The following AGBL1 variants were observed in gnomAD, a reference collection of about 807,000 sequenced individuals.
AGBL1 encodes the protein cytosolic carboxypeptidase 4.
In AGBL1, 130 loss-of-function variants were observed where a neutral mutation model predicts 118.9. That is an observed-to-expected ratio of 1.09 (90% CI 0.95 to 1.26). The LOEUF (loss-of-function observed/expected upper bound fraction) is 1.26. AGBL1 is among the 50% of genes most tolerant of loss of function. The pLI is 0.00. For synonymous variants in AGBL1, 555 were observed against 478.9 expected, an observed-to-expected ratio of 1.16 and a Z score of -2.08; for missense variants, 1,584 against 1,298.1, an observed-to-expected ratio of 1.22 and a Z score of -3.38.
At chr15:86,212,279 A>T (rs943446005) in intron 5 of AGBL1, among the ~76,000 whole-genome samples, 1 of 152,252 alleles carries the variant, frequency 6.6e-6, no homozygotes, top group African/African-American at 2.4e-5. Context: ...ATACATAAAT[A>T]CGCAATTTCC....
chr15:86,665,966 T>G (rs2085637167), intron 21 of AGBL1, among the ~76,000 whole-genome samples: 1 of 152,144 alleles, frequency 6.6e-6, no homozygotes, highest in Non-Finnish European at 1.5e-5. Flanking sequence ...ACCGAAACAT[T>G]TCATCATCAT....
At chr15:86,290,244 G>A (rs1026982705) in intron 16 of AGBL1, among the ~76,000 whole-genome samples, 1 of 151,488 alleles carries the variant, frequency 6.6e-6, no homozygotes, top group Non-Finnish European at 1.5e-5. Flanking sequence ...TCATTTAGAT[G>A]TAAGCTTGTT....
chr15:86,747,530 C>T (rs994711131), intron 22 of AGBL1, among the ~76,000 whole-genome samples: 1 of 152,104 alleles, frequency 6.6e-6, no homozygotes, highest in Non-Finnish European at 1.5e-5. Flanking sequence ...GCACAACGTG[C>T]AGGTTTGTTA....
chr15:86,709,755 C>T (rs1307209238), intron 22 of AGBL1, among the ~76,000 whole-genome samples: 1 of 152,100 alleles, frequency 6.6e-6, no homozygotes, highest in Admixed American at 6.6e-5. Flanking sequence ...TAAATCTTAC[C>T]TCCATCTACT....
chr15:86,992,515 G>T lies in AGBL1; in HGVS notation c.3323+4427G>T, dbSNP rs1359536238. ...GATATATTACTAAATTTATTTCTCA[G>T]TGACCAGCTATTTGCTGGAACCAGA... On this transcript the variant is annotated intron_variant, in intron 24 of 24. Transcript: ENST00000441037. 2.0e-5 allele frequency among the ~76,000 whole-genome samples: 3 copies of T among 151,994 alleles called. No individual in the cohort carries two copies. The East Asian group carries it at 5.8e-4, about 29-fold the overall frequency.
chr15:86,171,585 G>A (rs1340306582), intron 5 of AGBL1, among the ~76,000 whole-genome samples: 1 of 152,094 alleles, frequency 6.6e-6, no homozygotes, highest in Non-Finnish European at 1.5e-5. Flanking sequence ...GTAGTTGAAG[G>A]ACAGGTGTCA....
intron 18 of AGBL1, among the ~76,000 whole-genome samples, chr15:86,455,115 G>A (rs2082243641): frequency 6.6e-6 from 1 of 152,064 alleles, no homozygotes; most frequent in South Asian, 2.1e-4. Context: ...CCTCTCCCTG[G>A]GAGAATAGCA....
At chr15:86,845,834 C>T (rs1475713034) in intron 22 of AGBL1, among the ~76,000 whole-genome samples, 1 of 152,052 alleles carries the variant, frequency 6.6e-6, no homozygotes, top group East Asian at 1.9e-4. Flanking sequence ...TAAATATTTA[C>T]CCATTGTTCA....
At chr15:86,826,920 G>A (rs1052949471) in intron 22 of AGBL1, among the ~76,000 whole-genome samples, 5 of 151,900 alleles carry the variant, frequency 3.3e-5, no homozygotes, top group African/African-American at 1.2e-4. Flanking sequence ...ATTATAATGG[G>A]TAAGAACACT....
intron 18 of AGBL1, among the ~76,000 whole-genome samples, chr15:86,480,236 A>T (rs1274166433): frequency 1.3e-5 from 2 of 152,204 alleles, no homozygotes; most frequent in African/African-American, 4.8e-5. Flanking sequence ...AATAAAAAAG[A>T]GTAACTATGT....
At chr15:86,190,965 A>G (rs2077709674) in intron 5 of AGBL1, among the ~76,000 whole-genome samples, 1 of 152,206 alleles carries the variant, frequency 6.6e-6, no homozygotes, top group African/African-American at 2.4e-5. Context: ...TCAGGATATC[A>G]TGAATTCAGT....
intron 18 of AGBL1, among the ~76,000 whole-genome samples, chr15:86,424,701 C>G (rs1390672483): frequency 6.6e-6 from 1 of 152,026 alleles, no homozygotes; most frequent in Non-Finnish European, 1.5e-5. Context: ...ATTGAAAAAA[C>G]CAACAACCCC....
intron 5 of AGBL1, among the ~76,000 whole-genome samples, chr15:86,217,213 A>T (rs1002020039): frequency 6.6e-6 from 1 of 152,140 alleles, no homozygotes; most frequent in East Asian, 1.9e-4. Context: ...AATTCCCTCA[A>T]ACATAAGCTC....
At chr15:86,339,476 T>C (rs1023342890) in intron 17 of AGBL1, among the ~76,000 whole-genome samples, 1 of 152,146 alleles carries the variant, frequency 6.6e-6, no homozygotes, top group Non-Finnish European at 1.5e-5. Context: ...TCCAATTATA[T>C]GAATGTTCGA....
chr15:86,369,102 C>A (rs750510176), intron 17 of AGBL1, among the ~76,000 whole-genome samples: 2 of 152,098 alleles, frequency 1.3e-5, no homozygotes, highest in African/African-American at 4.8e-5. Flanking sequence ...AATAAGGGAA[C>A]AATTAATGGA....
chr15:86,718,616 G>A (rs189623441), intron 22 of AGBL1, among the ~76,000 whole-genome samples: 7 of 152,192 alleles, frequency 4.6e-5, no homozygotes, highest in East Asian at 1.9e-4. Flanking sequence ...AGGACAAATC[G>A]TACCCCAAAC....
At chr15:86,207,315 A>G (rs1449220499) in intron 5 of AGBL1, among the ~76,000 whole-genome samples, 1 of 152,198 alleles carries the variant, frequency 6.6e-6, no homozygotes, top group East Asian at 1.9e-4. Context: ...TTCCATATGA[A>G]CTTTAAAAAG....
intron 22 of AGBL1, among the ~76,000 whole-genome samples, chr15:86,740,707 G>A (rs1053653093): frequency 6.6e-6 from 1 of 152,060 alleles, no homozygotes; most frequent in African/African-American, 2.4e-5. Context: ...AATGAGTGTT[G>A]GACAGATCAA....
At chr15:86,287,227 G>A (rs924896701) in intron 16 of AGBL1, among the ~76,000 whole-genome samples, 1 of 152,036 alleles carries the variant, frequency 6.6e-6, no homozygotes, top group Non-Finnish European at 1.5e-5. Flanking sequence ...TGTGTAGTTG[G>A]TGTTCCTTGT....
Sources: allele counts gnomAD v4.1 joint callset (sites outside exome capture counted in the v4.1 genomes callset), GRCh38; gene constraint gnomAD v4.1.1; transcripts MANE v1.5; gene names NCBI Gene and HGNC (gene_info 2026-07-23, HGNC 2026-07-21).